Variants in SNRPD1 observed in about 807,000 individuals in gnomAD.
SNRPD1 encodes small nuclear ribonucleoprotein Sm D1.
SNRPD1 carries 1 observed loss-of-function variant against 14.4 expected under a neutral mutation model. The observed-to-expected ratio is 0.07, with a 90% CI of 0.02 to 0.33. The LOEUF (loss-of-function observed/expected upper bound fraction) is 0.33. Ranked by LOEUF, SNRPD1 falls within the 10% of genes least tolerant of loss-of-function variation. The pLI, the probability that SNRPD1 is intolerant of heterozygous loss-of-function variation, is 1.00. For missense variants in SNRPD1, 52 were observed against 146.4 expected, an observed-to-expected ratio of 0.36 and a Z score of 3.33; for synonymous variants, 42 against 50.3, an observed-to-expected ratio of 0.83 and a Z score of 0.70.
chr18:21,616,997 C>T (rs2038962665), intron 1 of SNRPD1, among the ~76,000 whole-genome samples: 1 of 152,100 alleles, frequency 6.6e-6, no homozygotes, highest in East Asian at 1.9e-4. Context: ...ATATCTGGAA[C>T]TCTTGGGCTC....
intron 1 of SNRPD1, among the ~76,000 whole-genome samples, chr18:21,614,048 G>A (rs1199581689): frequency 1.3e-5 from 2 of 151,968 alleles, no homozygotes; most frequent in Admixed American, 6.6e-5. Flanking sequence ...TGAGGCAGGC[G>A]GATCGCCTGA....
Position 21,632,741 on chromosome 18 carries a change from C to A in SNRPD1, c.*3603C>A, listed in dbSNP as rs1416645955. The A allele has an allele frequency of 6.6e-6, 1 of 152,272 alleles. No individual in the cohort carries two copies. Among genetic ancestry groups the A allele is most frequent in the East Asian group, 1.9e-4 (1 of 5,196 alleles). The allele number at this position is 152,272 out of a possible 1,614,324, so 9.4% of individuals were successfully genotyped here. ...TTCTCTTGACCCCTCTTCACCACCC[C>A]CTAAAAGGCAGATGGGATCTTAGGA... On this transcript the variant is annotated 3_prime_UTR_variant, in exon 4 of 4. Coordinates refer to ENST00000300413, the MANE Select transcript of SNRPD1 (RefSeq NM_006938.4).
In SNRPD1 at chr18:21,632,985, A is replaced by AG. The variant is rs2039096479; in HGVS notation, c.*3848dup. On this transcript the variant is annotated 3_prime_UTR_variant, in exon 4 of 4. Transcript: ENST00000300413. ...CCTGCCTCAGCCTCCTGAGTAGCTG[A>AG]GACTACAGGTGCCCACCACTATGCC... 1 of 151,576 alleles carries AG rather than the reference A, an allele frequency of 6.6e-6. No homozygotes were observed. The highest frequency in any genetic ancestry group is 1.5e-5 in the Non-Finnish European group (1 of 68,040). The allele number at this position is 151,576 out of a possible 1,614,324, so 9.4% of individuals were successfully genotyped here.
Position 21,632,262 on chromosome 18 carries a change from A to T in SNRPD1, c.*3124A>T, listed in dbSNP as rs2039089867. The T allele has an allele frequency of 6.6e-6, 1 of 152,088 alleles. No homozygotes were observed. Among genetic ancestry groups the T allele is most frequent in the Non-Finnish European group, 1.5e-5 (1 of 68,030 alleles). The allele number at this position is 152,088 out of a possible 1,614,324, so 9.4% of individuals were successfully genotyped here. On this transcript the variant is annotated 3_prime_UTR_variant, in exon 4 of 4. Transcript: ENST00000300413. ...AATCACTTGAGGTCAGGAGTTCGAG[A>T]CCAGCCTGGGTAACATGGTGAAACC...
Position 21,617,633 on chromosome 18 carries a change from T to C in SNRPD1, c.15-5092T>C, listed in dbSNP as rs184373544. ...TTCAGTAGCTCTCCTAGAGGAATTC[T>C]TTAACAGAGCTTAGGCTTTCCATGA... On this transcript the variant is annotated intron_variant, in intron 1 of 3. Transcript: ENST00000300413. Among the ~76,000 whole-genome samples, 26 of 152,330 alleles carry C rather than the reference T, an allele frequency of 1.7e-4. 1 individual carries two copies. In the East Asian group the frequency reaches 4.8e-3, roughly 28 times the overall value.
In SNRPD1 at chr18:21,629,141, T is replaced by C. The variant is rs373016009; in HGVS notation, c.*3T>C. On this transcript the variant is annotated 3_prime_UTR_variant, in exon 4 of 4. Transcript: ENST00000300413. ...GAAGAGGGGGTCCTAGGCGATAATG[T>C]CTCTCAAGATTTCAAAGTCATATGA... The C allele has an allele frequency of 1.6e-5, 25 of 1,602,588 alleles. No individual in the cohort carries two copies. In the African/African-American group the frequency reaches 3.2e-4, roughly 21 times the overall value.
At position 21,619,238 on chromosome 18, in the gene SNRPD1, G is replaced by A. The variant is rs1241775831; in HGVS notation, c.15-3487G>A. 2.6e-5 allele frequency among the ~76,000 whole-genome samples: 4 copies of A among 152,090 alleles called. No individual in the cohort carries two copies. The East Asian group carries it at 7.7e-4, about 29-fold the overall frequency. On this transcript the variant is annotated intron_variant, in intron 1 of 3. Coordinates refer to ENST00000300413, the MANE Select transcript of SNRPD1 (RefSeq NM_006938.4). ...TCTATTGTCCAGGCTGGAGTTTAGT[G>A]GTGCAGTCTTGGCTCACTGCAACCT...
At chr18:21,623,600 C>T in intron 2 of SNRPD1, 148 bp from the exon 3 acceptor site, 2 of 621,320 alleles carry the variant, frequency 3.2e-6, no homozygotes, top group Non-Finnish European at 5.8e-6. Flanking sequence ...TTACCAGTTG[C>T]ACATGTGCTA....
At chr18:21,612,545 T>G in intron 1 of SNRPD1, 102 bp downstream of exon 1, 1 of 905,660 alleles carries the variant, frequency 1.1e-6, no homozygotes, top group South Asian at 2.4e-5. Context: ...GAAAGCCGCG[T>G]GTGCGCGGCC....
intron 1 of SNRPD1, among the ~76,000 whole-genome samples, chr18:21,615,686 T>G (rs2038952286): frequency 6.6e-6 from 1 of 152,168 alleles, no homozygotes; most frequent in Non-Finnish European, 1.5e-5. Context: ...AATAAAAAGT[T>G]ATGTATTTTG....
Position 21,629,450 on chromosome 18 carries a change from G to A in SNRPD1, c.*312G>A, listed in dbSNP as rs1053349756. The stretch of plus-strand genomic sequence containing the variant: ...ATTTGGCAGAGTTTAATTGAGCAAA[G>A]GACAATTCACAAATCAGGTAGCCCC... On this transcript the variant is annotated 3_prime_UTR_variant, in exon 4 of 4. Coordinates refer to ENST00000300413, the MANE Select transcript of SNRPD1 (RefSeq NM_006938.4). The A allele has an allele frequency of 2.6e-5, 6 of 229,412 alleles. No individual in the cohort carries two copies. In the Admixed American group the frequency reaches 3.1e-4, roughly 12 times the overall value. The allele number at this position is 229,412 out of a possible 1,614,324, so 14.2% of individuals were successfully genotyped here.
At chr18:21,619,751 G>A in intron 1 of SNRPD1, among the ~76,000 whole-genome samples, 1 of 151,482 alleles carries the variant, frequency 6.6e-6, no homozygotes, top group East Asian at 2.1e-4. Context: ...CTGCACTCCA[G>A]CCTGGGTGAC....
intron 1 of SNRPD1, among the ~76,000 whole-genome samples, chr18:21,612,853 C>G (rs975592498): frequency 6.6e-6 from 1 of 152,180 alleles, no homozygotes; most frequent in Non-Finnish European, 1.5e-5. Flanking sequence ...CAGAGAAGGA[C>G]TTCCGGCTTC....
At chr18:21,619,843 G>A (rs1238259260) in intron 1 of SNRPD1, among the ~76,000 whole-genome samples, 1 of 152,146 alleles carries the variant, frequency 6.6e-6, no homozygotes, top group Non-Finnish European at 1.5e-5. Context: ...CCAGGGCAGT[G>A]ACACAGTCAT....
rs535020210 is a variant in SNRPD1 at position 21,619,605 on chromosome 18, C to A, written c.15-3120C>A. On this transcript the variant is annotated intron_variant, in intron 1 of 3. Coordinates refer to ENST00000300413, the MANE Select transcript of SNRPD1 (RefSeq NM_006938.4). ...TTCGAGACCAGCCCAACGGGTGAAA[C>A]CCTGTCTCTACTAAAAATACAAAAA... Among the ~76,000 whole-genome samples, 56 of 151,884 alleles carry A rather than the reference C, an allele frequency of 3.7e-4. No individual in the cohort carries two copies. The East Asian group carries it at 0.01, about 28-fold the overall frequency.
intron 3 of SNRPD1, among the ~76,000 whole-genome samples, chr18:21,627,893 CA>C (rs1039865818): frequency 6.6e-6 from 1 of 152,132 alleles, no homozygotes; most frequent in Admixed American, 6.6e-5. Flanking sequence ...CAATCCAGTA[CA>C]ACAGGTTGCA....
chr18:21,617,923 G>C (rs1217896242), intron 1 of SNRPD1, among the ~76,000 whole-genome samples: 1 of 152,152 alleles, frequency 6.6e-6, no homozygotes, highest in Non-Finnish European at 1.5e-5. Flanking sequence ...AGGTTGCAAT[G>C]AGCTCAGATT....
intron 1 of SNRPD1, among the ~76,000 whole-genome samples, chr18:21,619,181 T>G (rs1338546407): frequency 6.6e-6 from 1 of 152,130 alleles, no homozygotes; most frequent in African/African-American, 2.4e-5. Flanking sequence ...GTGATCAATT[T>G]TTTTTCGTTT....
intron 3 of SNRPD1, among the ~76,000 whole-genome samples, chr18:21,626,602 A>AAG (rs1448545900): frequency 1.3e-5 from 2 of 150,868 alleles, no homozygotes; most frequent in East Asian, 3.9e-4. Flanking sequence ...CAGCCTGGCC[A>AAG]ATGGTGAAAC....
Sources: allele counts gnomAD v4.1 joint callset (sites outside exome capture counted in the v4.1 genomes callset), GRCh38; gene constraint gnomAD v4.1.1; transcripts MANE v1.5; gene names NCBI Gene and HGNC (gene_info 2026-07-23, HGNC 2026-07-21).